The following AKAP13 variants were observed in gnomAD, a reference collection of about 807,000 sequenced individuals.
AKAP13 encodes A-kinase anchoring protein 13.
Under a neutral mutation model 264.5 loss-of-function variants are expected in AKAP13, and 80 were observed. The observed-to-expected ratio is 0.30, with a 90% CI of 0.25 to 0.36. AKAP13 has a LOEUF of 0.36. AKAP13 is among the 10% of genes least tolerant of loss of function. The probability of loss-of-function intolerance (pLI) is 1.00; values close to 1 mark genes in which losing one functional copy is unlikely to be tolerated. For missense variants in AKAP13, 3,712 were observed against 3,435.2 expected (o/e 1.08, Z -2.01); for synonymous variants, 1,380 against 1,250.2 (o/e 1.10, Z -2.19).
chr15:85,437,523 A>G (rs2073369396), intron 1 of AKAP13, among the ~76,000 whole-genome samples: 1 of 151,272 alleles, frequency 6.6e-6, no homozygotes, highest in African/African-American at 2.4e-5. Context: ...ACCAAAAAAG[A>G]GAATTTTAGA....
chr15:85,650,788 A>AAAAAAAAAAAAAAAAAC (rs2082790363), intron 10 of AKAP13, among the ~76,000 whole-genome samples: 4 of 125,072 alleles, frequency 3.2e-5, no homozygotes, highest in Non-Finnish European at 6.9e-5. Flanking sequence ...AAAAAAAAAA[A>AAAAAAAAAAAAAAAAAC]AACAACAAAA....
At chr15:85,626,620 A>G (rs1339440054) in intron 8 of AKAP13, among the ~76,000 whole-genome samples, 1 of 152,204 alleles carries the variant, frequency 6.6e-6, no homozygotes, top group African/African-American at 2.4e-5. Flanking sequence ...AGTATATACC[A>G]TATTTTGTTT....
chr15:85,695,130 C>T (rs1225708385), intron 17 of AKAP13, among the ~76,000 whole-genome samples: 1 of 152,066 alleles, frequency 6.6e-6, no homozygotes, highest in African/African-American at 2.4e-5. Flanking sequence ...TTGGGCCAGG[C>T]GTGGTGGCTC....
intron 1 of AKAP13, among the ~76,000 whole-genome samples, chr15:85,421,937 C>G (rs879273082): frequency 3.9e-5 from 6 of 152,200 alleles, no homozygotes; most frequent in Admixed American, 2.6e-4. Flanking sequence ...TATACTCTAT[C>G]TCTCATATAT....
intron 1 of AKAP13, among the ~76,000 whole-genome samples, chr15:85,386,824 T>G (rs1189076882): frequency 6.6e-6 from 1 of 152,128 alleles, no homozygotes. Flanking sequence ...CTCTCTCCTA[T>G]TCCATTGATC....
chr15:85,696,666 A>G (rs909264086), intron 17 of AKAP13, among the ~76,000 whole-genome samples: 7 of 152,248 alleles, frequency 4.6e-5, no homozygotes, highest in Admixed American at 6.5e-5. Context: ...AAAGCAGACT[A>G]GATACCTGCC....
At chr15:85,467,541 A>G (rs1219272260) in intron 1 of AKAP13, among the ~76,000 whole-genome samples, 1 of 151,598 alleles carries the variant, frequency 6.6e-6, no homozygotes, top group East Asian at 1.9e-4. Flanking sequence ...CATTCTTTCA[A>G]CTTCTGAGAT....
At chr15:85,452,956 C>T (rs1325195772) in intron 1 of AKAP13, among the ~76,000 whole-genome samples, 1 of 152,108 alleles carries the variant, frequency 6.6e-6, no homozygotes, top group African/African-American at 2.4e-5. Context: ...GGGGCTCCAC[C>T]TCAGAGAGAT....
chr15:85,440,445 G>C (rs1490889742), intron 1 of AKAP13, among the ~76,000 whole-genome samples: 2 of 152,124 alleles, frequency 1.3e-5, no homozygotes, highest in Non-Finnish European at 2.9e-5. Flanking sequence ...GATTTTATCT[G>C]GGAGGATCTT....
At chr15:85,690,443 A>T (rs1384823132) in intron 16 of AKAP13, among the ~76,000 whole-genome samples, 1 of 152,208 alleles carries the variant, frequency 6.6e-6, no homozygotes, top group Non-Finnish European at 1.5e-5. Flanking sequence ...TTAGTTGTTG[A>T]TTATTACTAA....
chr15:85,568,127 C>A (rs1470151936), intron 5 of AKAP13, among the ~76,000 whole-genome samples: 1 of 151,822 alleles, frequency 6.6e-6, no homozygotes, highest in South Asian at 2.1e-4. Flanking sequence ...ATGACAAAAC[C>A]GTGTCTCTAG....
Position 85,743,812 on chromosome 15 carries a change from C to T in AKAP13, c.8379C>T (p.Arg2793=), listed in dbSNP as rs146464432. Residue 2793 remains arginine, a synonymous_variant, in exon 36 of 37, where the codon CGC becomes CGT. Transcript: ENST00000394518. ...AAAAAAAGAAGAACAAAACCAGCCG[C>T]TCTCAGCCCGGTGGTGAGTCACGCA... ...KEKKKKNKTS[R]SQPGDGPASE... 1 of 1,610,436 alleles carries T rather than the reference C, an allele frequency of 6.2e-7. No individual in the cohort carries two copies.
intron 2 of AKAP13, among the ~76,000 whole-genome samples, chr15:85,491,522 A>ATATATTATATATT (rs1490733332): frequency 7.3e-6 from 1 of 136,914 alleles, no homozygotes; most frequent in South Asian, 2.2e-4. Flanking sequence ...TATTATATAT[A>ATATATTATATATT]TTATATATTT....
At chr15:85,694,508 A>T (rs1047495172) in intron 17 of AKAP13, among the ~76,000 whole-genome samples, 7 of 152,260 alleles carry the variant, frequency 4.6e-5, no homozygotes, top group Non-Finnish European at 1.0e-4. Context: ...AATTTTTGTT[A>T]TGTAATAGTT....
intron 8 of AKAP13, chr15:85,620,059 C>A: frequency 6.5e-7 from 1 of 1,535,898 alleles, no homozygotes; most frequent in Non-Finnish European, 8.7e-7. Context: ...ATACTTCCTG[C>A]ATTTTCTCTG....
intron 3 of AKAP13, among the ~76,000 whole-genome samples, chr15:85,523,966 A>G (rs1024886171): frequency 6.6e-6 from 1 of 152,154 alleles, no homozygotes; most frequent in Non-Finnish European, 1.5e-5. Context: ...TAGATTAGTC[A>G]AGAATCTGCA....
chr15:85,723,175 T>A lies in AKAP13; in HGVS notation c.6600T>A (p.Arg2200=), dbSNP rs756286516. ...TGGCAAGTTATGAAAAGAAAGTGCG[T>A]CTCAATGAGATTTATACAAAGACAG... ...SKVASYEKKV[R]LNEIYTKTDS... is the part of the protein sequence containing the mutation. The change falls in exon 26 of 37, where the codon CGT becomes CGA. Residue 2200 remains arginine, a synonymous_variant. Coordinates refer to ENST00000394518, the MANE Select transcript of AKAP13 (RefSeq NM_007200.5). 3.7e-6 allele frequency: 6 copies of A among 1,614,068 alleles called. No individual in the cohort carries two copies. In the Admixed American group the frequency reaches 8.3e-5, roughly 22 times the overall value.
intron 8 of AKAP13, among the ~76,000 whole-genome samples, chr15:85,590,546 A>G (rs1406044139): frequency 6.6e-6 from 1 of 152,226 alleles, no homozygotes; most frequent in Non-Finnish European, 1.5e-5. Flanking sequence ...CAGTATCTGC[A>G]TTCGTTTACT....
At chr15:85,557,520 G>T (rs1053038862) in intron 5 of AKAP13, among the ~76,000 whole-genome samples, 3 of 152,014 alleles carry the variant, frequency 2.0e-5, no homozygotes, top group African/African-American at 7.2e-5. Flanking sequence ...GTCTCATTCT[G>T]TTGCCCAGGT....
Sources: gnomAD v4.1 joint callset for allele counts (sites outside exome capture counted in the v4.1 genomes callset) on GRCh38, gnomAD v4.1.1 for gene constraint, MANE v1.5 for transcripts, NCBI Gene and HGNC (gene_info 2026-07-23, HGNC 2026-07-21) for gene names.